The following MICAL2 variants were observed in gnomAD, a reference collection of about 807,000 sequenced individuals.
MICAL2 encodes the protein microtubule associated monooxygenase, calponin and LIM domain containing 2.
A neutral mutation model predicts 127.3 loss-of-function variants in MICAL2; 77 were observed. That is an observed-to-expected ratio of 0.60 (90% CI 0.50 to 0.73). MICAL2 has a LOEUF of 0.73. Among genes scored for constraint, MICAL2 ranks in the 30% least tolerant of loss-of-function variants. The pLI is 0.00. For synonymous variants in MICAL2, 570 were observed against 551.1 expected (o/e 1.03, Z -0.48); for missense variants, 1,351 against 1,434.4 (o/e 0.94, Z 0.94).
At chr11:12,131,512 C>A (rs893360027) in intron 1 of MICAL2, among the ~76,000 whole-genome samples, 9 of 152,148 alleles carry the variant, frequency 5.9e-5, no homozygotes, top group Non-Finnish European at 1.2e-4. Flanking sequence ...ACCCTCATCC[C>A]CCAAGTCTGG....
At chr11:12,181,089 A>G (rs4757254) in intron 3 of MICAL2, among the ~76,000 whole-genome samples, 146,336 of 152,104 alleles carry the variant, frequency 0.96, 70,619 homozygotes, top group Non-Finnish European at 1. Context: ...GATTATAGGC[A>G]CCTGCCACCA....
chr11:12,198,774 T>A lies in MICAL2; in HGVS notation c.265-5476T>A, dbSNP rs1860274813. ...CCCTCACCAAAGGAGGCTTGCACTA[T>A]CCAAGCCCAAACTCCCACTGTGGTG... On this transcript the variant is annotated intron_variant, in intron 3 of 27. Transcript: ENST00000683283. 2.6e-5 allele frequency among the ~76,000 whole-genome samples: 4 copies of A among 152,174 alleles called. No individual in the cohort carries two copies. The South Asian group carries it at 6.2e-4, about 24-fold the overall frequency.
chr11:12,272,259 C>T (rs929848294), upstream of MICAL2, among the ~76,000 whole-genome samples: 2 of 152,200 alleles, frequency 1.3e-5, no homozygotes, highest in African/African-American at 4.8e-5. Context: ...TGGACTCCAC[C>T]ACTCTCTCCC....
At chr11:12,271,828 G>A (rs1863679364), upstream of MICAL2, among the ~76,000 whole-genome samples, 1 of 152,186 alleles carries the variant, frequency 6.6e-6, no homozygotes, top group Admixed American at 6.5e-5. Context: ...TGGCCTGAGT[G>A]TTAGACTGCA....
chr11:12,244,707 G>A (rs1297385652), intron 21 of MICAL2, among the ~76,000 whole-genome samples: 1 of 152,144 alleles, frequency 6.6e-6, no homozygotes, highest in African/African-American at 2.4e-5. Context: ...GAAGTTTAGG[G>A]CAAGGGTGTT....
downstream of MICAL2, among the ~76,000 whole-genome samples, chr11:12,266,594 A>G (rs78203818): frequency 0.053 from 8,010 of 152,288 alleles, 263 homozygotes; most frequent in Middle Eastern, 0.1. Flanking sequence ...CCTTGTGGCA[A>G]CCTTGCGGTC....
intron 32 of MICAL2, among the ~76,000 whole-genome samples, chr11:12,338,000 C>T (rs975508371): frequency 7.2e-5 from 11 of 151,914 alleles, no homozygotes; most frequent in Admixed American, 2.0e-4. Flanking sequence ...TTCAATTCCT[C>T]GATATCCTTG....
At chr11:12,179,088 T>C (rs917267304) in intron 3 of MICAL2, among the ~76,000 whole-genome samples, 4 of 152,122 alleles carry the variant, frequency 2.6e-5, no homozygotes, top group Non-Finnish European at 5.9e-5. Flanking sequence ...ACGGCTCAGA[T>C]TGTGACTGCC....
At chr11:12,175,080 A>C (rs1348818855) in intron 3 of MICAL2, among the ~76,000 whole-genome samples, 1 of 152,122 alleles carries the variant, frequency 6.6e-6, no homozygotes, top group Non-Finnish European at 1.5e-5. Context: ...ATGAGATGAC[A>C]CATCTGCATT....
At chr11:12,339,367 G>T (rs1257102841) in intron 32 of MICAL2, among the ~76,000 whole-genome samples, 6 of 151,910 alleles carry the variant, frequency 3.9e-5, no homozygotes, top group Non-Finnish European at 5.9e-5. Flanking sequence ...TTTTTTCAAG[G>T]TTTTTAACTT....
At chr11:12,258,436 A>T (rs747153538) in intron 24 of MICAL2, 32 bp from the exon 25 acceptor site, 3 of 1,582,066 alleles carry the variant, frequency 1.9e-6, no homozygotes, top group Admixed American at 1.7e-5. Flanking sequence ...CAGGAGAAAA[A>T]TTTTTCTGTA....
rs146226065 is a variant in MICAL2, at chr11:12,215,533, C to G, written c.848-686C>G. 6.4e-3 allele frequency among the ~76,000 whole-genome samples: 976 copies of G among 152,292 alleles called. 4 individuals are homozygous for G. The highest frequency in any genetic ancestry group is 9.8e-3 in the Admixed American group (150 of 15,288). The stretch of plus-strand genomic sequence containing the variant: ...TGATTCAGTGAGTCTGAAGAAGGGC[C>G]CTGATAATTTGCATTGCTAGTATGT... On this transcript the variant is annotated intron_variant, in intron 7 of 27. Coordinates refer to ENST00000683283, the MANE Select transcript of MICAL2 (RefSeq NM_001282663.2).
chr11:12,245,484 G>A (rs549470120), intron 21 of MICAL2, among the ~76,000 whole-genome samples: 1 of 152,242 alleles, frequency 6.6e-6, no homozygotes, highest in African/African-American at 2.4e-5. Flanking sequence ...TAAGAAAGGA[G>A]CAAGGAATCT....
intron 3 of MICAL2, among the ~76,000 whole-genome samples, chr11:12,175,585 C>CTATGTGTGTG (rs138948585): frequency 6.7e-6 from 1 of 149,780 alleles, no homozygotes; most frequent in Non-Finnish European, 1.5e-5. Flanking sequence ...TGTGGGGAGT[C>CTATGTGTGTG]TGTGTGTGTG....
intron 33 of MICAL2, chr11:12,350,002 C>T: frequency 1.5e-6 from 2 of 1,335,616 alleles, no homozygotes; most frequent in Non-Finnish European, 2.1e-6. Flanking sequence ...GGTGGCTTAC[C>T]CTCCTAGGCC....
At chr11:12,334,484 G>A (rs1025187950) in intron 32 of MICAL2, among the ~76,000 whole-genome samples, 1 of 150,944 alleles carries the variant, frequency 6.6e-6, no homozygotes, top group Non-Finnish European at 1.5e-5. Flanking sequence ...AAGTTTTAGG[G>A]TACATGTGCG....
In MICAL2 at chr11:12,222,631, G is replaced by A. The variant is rs145852364; in HGVS notation, c.1337G>A (p.Arg446Gln). The change falls in exon 11 of 28, where the codon CGG becomes CAG. Residue 446 changes from arginine to glutamine, a missense_variant. Coordinates refer to ENST00000683283, the MANE Select transcript of MICAL2 (RefSeq NM_001282663.2). Reference protein sequence around the residue: ...ELLAERESLYRLLPQTTPENI... With the variant: ...ELLAERESLYQLLPQTTPENI... ...CCTCCCTCCAGGGAAAGTCTCTACC[G>A]GCTGTTACCTCAGACAACCCCGGAG... 8 of 1,614,202 alleles carry A rather than the reference G, an allele frequency of 5.0e-6. No individual in the cohort carries two copies. Among genetic ancestry groups the A allele is most frequent in the East Asian group, 2.2e-5 (1 of 44,882 alleles).
intron 18 of MICAL2, 136 bp from the exon 19 acceptor site, chr11:12,242,077 TG>T (rs1479001921): frequency 3.1e-5 from 21 of 676,226 alleles, no homozygotes; most frequent in Middle Eastern, 4.2e-4. Flanking sequence ...AGTCAACACC[TG>T]GGGCTAGTTT....
intron 2 of MICAL2, among the ~76,000 whole-genome samples, chr11:12,143,622 C>G (rs1373550501): frequency 1.3e-5 from 2 of 152,150 alleles, no homozygotes; most frequent in African/African-American, 4.8e-5. Flanking sequence ...GCCACACCAA[C>G]AGTTCATATT....
Sources: gnomAD v4.1 joint callset for allele counts (sites outside exome capture counted in the v4.1 genomes callset) on GRCh38, gnomAD v4.1.1 for gene constraint, MANE v1.5 for transcripts, NCBI Gene and HGNC (gene_info 2026-07-23, HGNC 2026-07-21) for gene names.